Variants in ASCC1 observed in about 807,000 individuals in gnomAD.
The protein encoded by ASCC1 is ASC-1 complex subunit P50.
In ASCC1, 35 loss-of-function variants were observed where a neutral mutation model predicts 46.6. That is an observed-to-expected ratio of 0.75 (90% CI 0.57 to 0.99). The LOEUF is 0.99. ASCC1 is among the 50% of genes least tolerant of loss of function. The pLI is 0.00. For synonymous variants in ASCC1, 143 were observed against 146.6 expected, an observed-to-expected ratio of 0.98 and a Z score of 0.18; for missense variants, 376 against 428.7, an observed-to-expected ratio of 0.88 and a Z score of 1.09.
intron 9 of ASCC1, among the ~76,000 whole-genome samples, chr10:72,100,673 A>C (rs538035064): frequency 6.6e-6 from 1 of 152,034 alleles, no homozygotes; most frequent in African/African-American, 2.4e-5. Context: ...GATTATAGGC[A>C]TGAGACACTG....
At chr10:72,136,485 A>C (rs1023548071) in intron 7 of ASCC1, among the ~76,000 whole-genome samples, 4 of 152,248 alleles carry the variant, frequency 2.6e-5, no homozygotes, top group Admixed American at 1.3e-4. Context: ...AAAATGCACC[A>C]ATCAGCGCTC....
chr10:72,178,593 A>G (rs947677436), intron 5 of ASCC1, among the ~76,000 whole-genome samples: 1 of 152,202 alleles, frequency 6.6e-6, no homozygotes, highest in Admixed American at 6.5e-5. Context: ...AAGAGCCTCC[A>G]GATGAGATAC....
At chr10:72,132,681 C>T (rs532232052) in intron 8 of ASCC1, among the ~76,000 whole-genome samples, 1 of 151,620 alleles carries the variant, frequency 6.6e-6, no homozygotes, top group Admixed American at 6.6e-5. Flanking sequence ...TTGAGAAACA[C>T]TGATTTAACA....
At position 72,124,714 on chromosome 10, in the gene ASCC1, AAAC is replaced by A. The variant is rs536939430; in HGVS notation, c.957+3365_957+3367del. 3.7e-3 allele frequency among the ~76,000 whole-genome samples: 563 copies of A among 150,542 alleles called. 5 individuals carry two copies. The highest frequency in any genetic ancestry group is 0.012 in the African/African-American group (503 of 40,428). ...AATTTATCACTGCCTATGGCTAAAC[AAAC>A]AACATCTTTTTTTTTTTTTTTTTTT... On this transcript the variant is annotated intron_variant, in intron 9 of 9. Transcript: ENST00000672957.
intron 4 of ASCC1, among the ~76,000 whole-genome samples, chr10:72,202,268 A>G (rs1031396210): frequency 1.3e-5 from 2 of 152,096 alleles, no homozygotes; most frequent in African/African-American, 4.8e-5. Flanking sequence ...GAAGTTTGAG[A>G]CCAGCCTGGC....
Position 72,196,833 on chromosome 10 carries a change from T to G in ASCC1, c.467A>C (p.Glu156Ala), listed in dbSNP as rs771987422. 3.1e-6 allele frequency: 5 copies of G among 1,613,326 alleles called. No individual in the cohort carries two copies. In the Admixed American group the frequency reaches 5.0e-5, roughly 16 times the overall value. ...TACCATGGAGCACTTCGCCAGTACTTCCTCCTGGAATCTCAGGAATCCTTC... is the reference window on the plus strand; with the variant it reads ...TACCATGGAGCACTTCGCCAGTACTGCCTCCTGGAATCTCAGGAATCCTTC... ...VQEGFLRFQE[E>A]VLAKCSMDHG... The change falls in exon 5 of 10, where the codon GAA becomes GCA. Residue 156 changes from glutamate (E) to alanine (A), a missense_variant. Glu to Ala is a moderately radical substitution (Grantham distance 107). Transcript: ENST00000672957.
In ASCC1 at chr10:72,153,097, T is replaced by C; in HGVS notation, c.627-109A>G. On this transcript the variant is annotated intron_variant, in intron 6 of 9. Coordinates refer to ENST00000672957, the MANE Select transcript of ASCC1 (RefSeq NM_001198800.3). ...GTCAAATATGTATGTTACTTACATG[T>C]GTACAAAAACATGGTAGTTGTGTTT... 4.3e-6 allele frequency: 6 copies of C among 1,409,278 alleles called. No homozygotes were observed. The South Asian group carries it at 7.3e-5, about 17-fold the overall frequency. 87.3% of individuals were successfully genotyped at this position (1,409,278 alleles called of 1,614,324 possible). A position where few individuals can be genotyped will look rare whatever the true frequency, so the allele number is the denominator to read the frequency against.
At chr10:72,106,268 G>A (rs1212926331) in intron 9 of ASCC1, among the ~76,000 whole-genome samples, 1 of 151,630 alleles carries the variant, frequency 6.6e-6, no homozygotes, top group Non-Finnish European at 1.5e-5. Context: ...ACACACATGA[G>A]ATAAACCAAC....
chr10:72,151,570 T>G (rs554937605), intron 7 of ASCC1, among the ~76,000 whole-genome samples: 3 of 152,186 alleles, frequency 2.0e-5, no homozygotes, highest in Admixed American at 2.0e-4. Flanking sequence ...ATTGTGCACA[T>G]GTACCCTAGA....
intron 5 of ASCC1, among the ~76,000 whole-genome samples, chr10:72,196,081 A>G (rs928336010): frequency 1.3e-5 from 2 of 152,118 alleles, no homozygotes; most frequent in African/African-American, 4.8e-5. Flanking sequence ...ATTATCTGCT[A>G]TTATCCTGGT....
intron 4 of ASCC1, among the ~76,000 whole-genome samples, chr10:72,201,088 T>C (rs943899659): frequency 5.9e-5 from 9 of 152,310 alleles, no homozygotes; most frequent in South Asian, 2.1e-4. Flanking sequence ...AGAAAGCTCT[T>C]TGGGACAGCA....
At chr10:72,213,625 G>A (rs915994203) in intron 1 of ASCC1, among the ~76,000 whole-genome samples, 18 of 150,940 alleles carry the variant, frequency 1.2e-4, no homozygotes, top group Non-Finnish European at 7.4e-5. Flanking sequence ...AAAGAAGGAA[G>A]GGAGGGGAGC....
intron 1 of ASCC1, among the ~76,000 whole-genome samples, chr10:72,215,252 A>T (rs968356707): frequency 1.3e-5 from 2 of 152,190 alleles, no homozygotes; most frequent in African/African-American, 4.8e-5. Flanking sequence ...TACAGAAAGT[A>T]GCCGGGTGTG....
At chr10:72,196,145 T>C (rs1855386045) in intron 5 of ASCC1, among the ~76,000 whole-genome samples, 1 of 152,138 alleles carries the variant, frequency 6.6e-6, no homozygotes, top group South Asian at 2.1e-4. Context: ...AAATTTGTCT[T>C]TTAGTTACTA....
In ASCC1 at chr10:72,187,177, CA is replaced by C. The variant is rs147790044; in HGVS notation, c.489+9633del. Among the ~76,000 whole-genome samples the C allele has an allele frequency of 3.4e-3, 514 of 152,246 alleles. 5 individuals carry two copies. The highest frequency in any genetic ancestry group is 0.012 in the African/African-American group (498 of 41,536). On this transcript the variant is annotated intron_variant, in intron 5 of 9. Coordinates refer to ENST00000672957, the MANE Select transcript of ASCC1 (RefSeq NM_001198800.3). ...CCTCCATTCCCACTAAGAACGAAGT[CA>C]TCTTGTTATGAAATGTTAAGGAGAA...
In ASCC1 at chr10:72,204,246, C is replaced by T. The variant is rs4237336; in HGVS notation, c.213-722G>A. On this transcript the variant is annotated intron_variant, in intron 3 of 9. Coordinates refer to ENST00000672957, the MANE Select transcript of ASCC1 (RefSeq NM_001198800.3). ...CCTGGGCGACAAGAACGAGACTCTG[C>T]CTCAAAAAATAAATTTTTTTTTCAA... Among the ~76,000 whole-genome samples the T allele has an allele frequency of 1, 152,269 of 152,272 alleles. 76,133 individuals are homozygous for T. Among genetic ancestry groups the T allele is most frequent in the Non-Finnish European group, 1 (68,034 of 68,034 alleles).
intron 5 of ASCC1, among the ~76,000 whole-genome samples, chr10:72,173,877 T>C (rs1851542052): frequency 6.6e-6 from 1 of 152,218 alleles, no homozygotes; most frequent in African/African-American, 2.4e-5. Flanking sequence ...TACTTGGAGC[T>C]GGAACTATCT....
At chr10:72,114,020 T>C (rs1165771350) in intron 9 of ASCC1, among the ~76,000 whole-genome samples, 1 of 152,228 alleles carries the variant, frequency 6.6e-6, no homozygotes, top group Non-Finnish European at 1.5e-5. Flanking sequence ...TCATTCAATA[T>C]TTTTTATTAA....
rs574650975 is a variant in ASCC1, at chr10:72,127,503, G to C, written c.957+579C>G. 7.9e-5 allele frequency among the ~76,000 whole-genome samples: 12 copies of C among 152,198 alleles called. No individual in the cohort carries two copies. The East Asian group carries it at 2.3e-3, about 29-fold the overall frequency. On this transcript the variant is annotated intron_variant, in intron 9 of 9. Coordinates refer to ENST00000672957, the MANE Select transcript of ASCC1 (RefSeq NM_001198800.3). ...AAATGGCTTATAAAGCCACTGCAGA[G>C]ATTGACTTTGTGGGTAAAGAGAAAA...
Sources: gnomAD v4.1 joint callset for allele counts (sites outside exome capture counted in the v4.1 genomes callset) on GRCh38, gnomAD v4.1.1 for gene constraint, MANE v1.5 for transcripts, NCBI Gene and HGNC (gene_info 2026-07-23, HGNC 2026-07-21) for gene names.